Variants in OS9 observed in about 807,000 individuals in gnomAD.
The protein encoded by OS9 is OS9 endoplasmic reticulum lectin.
In OS9, 58 loss-of-function variants were observed where a neutral mutation model predicts 84.7. The observed-to-expected ratio is 0.68, with a 90% confidence interval of 0.55 to 0.85. The LOEUF (loss-of-function observed/expected upper bound fraction) is 0.85, where lower values mean the gene tolerates loss of function less well. OS9 is among the 40% of genes least tolerant of loss of function. The pLI is 0.00. For synonymous variants in OS9, 278 were observed against 320.8 expected (o/e 0.87, Z 1.43); for missense variants, 760 against 850.9 (o/e 0.89, Z 1.33).
At chr12:57,720,365 C>T in intron 13 of OS9, 41 bp from the exon 14 acceptor site, 2 of 1,600,610 alleles carry the variant, frequency 1.2e-6, no homozygotes, top group South Asian at 1.1e-5. Flanking sequence ...CCTGAGGCTC[C>T]CAACCATCCT....
rs1184325044 is a variant in OS9 at position 57,719,820 on chromosome 12, G to GGC, written c.1601-278_1601-277dup. 8 of 328,772 alleles carry GGC rather than the reference G, an allele frequency of 2.4e-5. No homozygotes were observed. The East Asian group carries it at 4.5e-4, about 18-fold the overall frequency. The allele number at this position is 328,772 out of a possible 1,614,324, so 20.4% of individuals were successfully genotyped here. A position where few individuals can be genotyped will look rare whatever the true frequency, so the allele number is the denominator to read the frequency against. ...CAAACAGAACTTTGTTGGTGCAGGT[G>GGC]GCCTGATTTTGGCTTTAGAAAACAT... is the stretch of plus-strand genomic sequence containing the variant. On this transcript the variant is annotated intron_variant, in intron 12 of 14. Coordinates refer to ENST00000315970, the MANE Select transcript of OS9 (RefSeq NM_006812.4).
chr12:57,707,412 T>A (rs917383660), intron 5 of OS9, among the ~76,000 whole-genome samples: 16 of 152,036 alleles, frequency 1.1e-4, no homozygotes, highest in Non-Finnish European at 2.9e-5. Flanking sequence ...CCAATCATGG[T>A]GAAAGGCAAG....
chr12:57,707,674 C>T (rs1954211062), intron 5 of OS9, among the ~76,000 whole-genome samples: 4 of 152,204 alleles, frequency 2.6e-5, no homozygotes, highest in Admixed American at 1.3e-4. Context: ...GCTGGGATTA[C>T]AGGCGTGAGC....
intron 5 of OS9, among the ~76,000 whole-genome samples, chr12:57,698,614 G>A (rs1953934220): frequency 6.6e-6 from 1 of 152,230 alleles, no homozygotes; most frequent in South Asian, 2.1e-4. Flanking sequence ...AACTGACATT[G>A]GAGGATGAGG....
intron 3 of OS9, 58 bp downstream of exon 3, chr12:57,695,901 G>T: frequency 3.2e-6 from 5 of 1,562,012 alleles, no homozygotes; most frequent in Non-Finnish European, 4.4e-6. Flanking sequence ...AAGTTCCCCA[G>T]TTCCCTCCTC....
Position 57,719,105 on chromosome 12 carries a change from A to G in OS9, c.1523A>G (p.Gln508Arg). ...CTCATCAAAAGACTGGAGGAAAAAC[A>G]GAGTCCAGAGCTGGTGAAGAAGCAC... The part of the protein sequence containing the change: ...NKLIKRLEEK[Q>R]SPELVKKHKK... The change falls in exon 12 of 15, where the codon CAG (glutamine) becomes CGG (arginine). Residue 508 changes from glutamine (Q) to arginine (R), a missense_variant. Physicochemically the swap from Gln to Arg is conservative, Grantham distance 43 (BLOSUM62 1). Coordinates refer to ENST00000315970, the MANE Select transcript of OS9 (RefSeq NM_006812.4). The G allele has an allele frequency of 1.2e-6, 2 of 1,614,172 alleles. No individual in the cohort carries two copies. Among genetic ancestry groups the G allele is most frequent in the Non-Finnish European group, 1.7e-6 (2 of 1,180,022 alleles).
chr12:57,716,446 A>C lies in OS9; in HGVS notation c.927A>C (p.Ser309=), dbSNP rs750103916. ...ASPTKDDSKD[S]DFWKMLNEPE... The stretch of plus-strand genomic sequence containing the variant: ...CGACCAAGGATGACAGTAAGGACTC[A>C]GATTTCTGGAAGATGCTTAATGAGC... The change falls in exon 8 of 15, where the codon TCA becomes TCC. Residue 309 remains serine, a synonymous_variant. Coordinates refer to ENST00000315970, the MANE Select transcript of OS9 (RefSeq NM_006812.4). The C allele has an allele frequency of 1.2e-5, 19 of 1,567,360 alleles. No individual in the cohort carries two copies. Among genetic ancestry groups the C allele is most frequent in the Non-Finnish European group, 1.6e-5 (19 of 1,155,186 alleles).
In OS9 at chr12:57,696,338, G is replaced by A. The variant is rs758479931; in HGVS notation, c.544G>A (p.Asp182Asn). The change falls in exon 5 of 15, where the codon GAC becomes AAC. Residue 182 changes from aspartate to asparagine, a missense_variant. Asp to Asn is a conservative substitution (Grantham distance 23, BLOSUM62 1). Coordinates refer to ENST00000315970, the MANE Select transcript of OS9 (RefSeq NM_006812.4). The part of the protein sequence containing the change: ...SQTYGNGSKC[D>N]LNGRPREAEV... ...GACCTATGGCAATGGGTCCAAGTGCGACCTTAATGGGAGGCCCCGGGAGGC... is the reference window on the plus strand; with the variant it reads ...GACCTATGGCAATGGGTCCAAGTGCAACCTTAATGGGAGGCCCCGGGAGGC... 25 of 1,612,790 alleles carry A rather than the reference G, an allele frequency of 1.6e-5. No individual in the cohort carries two copies. Among genetic ancestry groups the A allele is most frequent in the African/African-American group, 1.2e-4 (9 of 74,786 alleles).
intron 13 of OS9, 51 bp from the exon 14 acceptor site, chr12:57,720,355 C>CCCA: frequency 6.3e-7 from 1 of 1,596,858 alleles, no homozygotes; most frequent in Non-Finnish European, 8.6e-7. Flanking sequence ...GGGGGCCTGC[C>CCCA]CTGAGGCTCC....
At position 57,694,920 on chromosome 12, in the gene OS9, G is replaced by T; in HGVS notation, c.333G>T (p.Leu111Phe). The T allele has an allele frequency of 6.2e-7, 1 of 1,614,046 alleles. No individual in the cohort carries two copies. Among genetic ancestry groups the T allele is most frequent in the South Asian group, 1.1e-5 (1 of 91,076 alleles). Reference sequence around the variant, plus strand: ...GCCCAATGAGAGATGCTCCCTGCTTGCTGAAGGTGAAAGGGACTGGGTTAG... The same window carrying T: ...GCCCAATGAGAGATGCTCCCTGCTTTCTGAAGGTGAAAGGGACTGGGTTAG... ...LLSPMRDAPC[L>F]LKTKDWWTYE... is the part of the protein sequence containing the mutation. The change falls in exon 2 of 15, where the codon TTG becomes TTT. Residue 111 changes from leucine (L) to phenylalanine (F), a missense_variant. Coordinates refer to ENST00000315970, the MANE Select transcript of OS9 (RefSeq NM_006812.4).
At chr12:57,704,380 T>C (rs1954108298) in intron 5 of OS9, among the ~76,000 whole-genome samples, 1 of 151,758 alleles carries the variant, frequency 6.6e-6, no homozygotes, top group Non-Finnish European at 1.5e-5. Context: ...CTACTGAAAA[T>C]ACAAAAATTA....
chr12:57,720,576 G>C (rs575220233), intron 14 of OS9, 58 bp downstream of exon 14: 1 of 1,370,222 alleles, frequency 7.3e-7, no homozygotes, highest in South Asian at 1.2e-5. Context: ...GGAGGTGCGG[G>C]CTTGCCCCAG....
chr12:57,712,625 G>GT (rs2140321790), intron 5 of OS9, among the ~76,000 whole-genome samples: 1 of 152,014 alleles, frequency 6.6e-6, no homozygotes, highest in East Asian at 1.9e-4. Context: ...ATACTTTACT[G>GT]TTTCTGCATG....
chr12:57,706,445 T>C (rs1565772964), intron 5 of OS9, among the ~76,000 whole-genome samples: 1 of 152,204 alleles, frequency 6.6e-6, no homozygotes, highest in Non-Finnish European at 1.5e-5. Context: ...TTTTCTCTTC[T>C]TGTACTTACC....
At chr12:57,712,957 G>T (rs1416929968) in intron 5 of OS9, among the ~76,000 whole-genome samples, 1 of 152,104 alleles carries the variant, frequency 6.6e-6, no homozygotes, top group African/African-American at 2.4e-5. Flanking sequence ...CCAACTAATT[G>T]CTTTATTGTT....
In OS9 at chr12:57,694,331, G is replaced by A. The variant is rs534818857; in HGVS notation, c.162+8G>A. 2.0e-5 allele frequency: 33 copies of A among 1,614,004 alleles called. No homozygotes were observed. In the African/African-American group the frequency reaches 3.6e-4, roughly 18 times the overall value. ...CCTGTCATGGGAGGGCAGGTGAGAG[G>A]CGTATAAGGGGCGAGGGTCTGGGCA... On this transcript the variant is annotated splice_region_variant and intron_variant, in intron 1 of 14. Transcript: ENST00000315970.
chr12:57,697,925 ACACACACACAC>A (rs1565767151), intron 5 of OS9, among the ~76,000 whole-genome samples: 45 of 47,256 alleles, frequency 9.5e-4, no homozygotes, highest in Admixed American at 2.0e-3. Flanking sequence ...ACACACACAT[ACACACACACAC>A]ACACACACAC....
intron 5 of OS9, among the ~76,000 whole-genome samples, chr12:57,712,887 A>T (rs1954373408): frequency 6.6e-6 from 1 of 151,252 alleles, no homozygotes; most frequent in South Asian, 2.1e-4. Flanking sequence ...TTCTTTCATG[A>T]ATTTGTTAAG....
rs1954501688 is a variant in OS9, at chr12:57,716,486, C to G, written c.967C>G (p.Pro323Ala). The G allele has an allele frequency of 1.3e-6, 2 of 1,575,256 alleles. No individual in the cohort carries two copies. Among genetic ancestry groups the G allele is most frequent in the Non-Finnish European group, 1.7e-6 (2 of 1,159,678 alleles). ...GCTTAATGAGCCAGAGGACCAGGCC[C>G]CAGGAGGGGAGGAGGTGCCGGCTGA... is the stretch of plus-strand genomic sequence containing the variant. ...KMLNEPEDQAPGGEEVPAEEQ... is the reference protein window; with the variant it reads ...KMLNEPEDQAAGGEEVPAEEQ... Residue 323 changes from proline (P) to alanine (A), a missense_variant, in exon 8 of 15, where the codon CCA becomes GCA. Pro to Ala is a conservative substitution (Grantham distance 27, BLOSUM62 -1). Coordinates refer to ENST00000315970, the MANE Select transcript of OS9 (RefSeq NM_006812.4).
Sources: allele counts gnomAD v4.1 joint callset (sites outside exome capture counted in the v4.1 genomes callset), GRCh38; gene constraint gnomAD v4.1.1; transcripts MANE v1.5; gene names NCBI Gene and HGNC (gene_info 2026-07-23, HGNC 2026-07-21).